The following GLCCI1 variants were observed in gnomAD, a reference collection of about 807,000 sequenced individuals.
GLCCI1 encodes the protein glucocorticoid induced 1.
Under a neutral mutation model 52.2 loss-of-function variants are expected in GLCCI1, and 24 were observed. The observed-to-expected ratio is 0.46, with a 90% CI of 0.33 to 0.65. The LOEUF is 0.65. Among genes scored for constraint, GLCCI1 ranks in the 30% least tolerant of loss-of-function variants. The probability of loss-of-function intolerance (pLI) is 0.02; values close to 1 mark genes in which losing one functional copy is unlikely to be tolerated. For synonymous variants in GLCCI1, 310 were observed against 276.5 expected (o/e 1.12, Z -1.20); for missense variants, 704 against 701.5 (o/e 1.00, Z -0.04).
intron 2 of GLCCI1, among the ~76,000 whole-genome samples, chr7:8,014,328 T>C (rs118166421): frequency 6.6e-6 from 1 of 152,232 alleles, no homozygotes; most frequent in Non-Finnish European, 1.5e-5. Flanking sequence ...CTAATGGTAA[T>C]GTATCTAGTT....
chr7:7,972,501 A>G (rs1469434995), intron 1 of GLCCI1, among the ~76,000 whole-genome samples: 1 of 152,258 alleles, frequency 6.6e-6, no homozygotes. Context: ...CTGAGCATTC[A>G]GTGTTTCATG....
intron 1 of GLCCI1, among the ~76,000 whole-genome samples, chr7:7,992,063 CTTTCTT>C (rs1459133898): frequency 7.0e-6 from 1 of 143,348 alleles, no homozygotes; most frequent in African/African-American, 2.7e-5. Flanking sequence ...TTCTTTCTTT[CTTTCTT>C]TCTTTCTTTC....
intron 6 of GLCCI1, among the ~76,000 whole-genome samples, chr7:8,079,748 A>AC (rs1346773771): frequency 6.6e-6 from 1 of 151,516 alleles, no homozygotes; most frequent in East Asian, 1.9e-4. Context: ...ACAAAATATA[A>AC]AATACCTCCT....
At chr7:8,013,249 C>A (rs186097585) in intron 2 of GLCCI1, among the ~76,000 whole-genome samples, 18 of 152,052 alleles carry the variant, frequency 1.2e-4, no homozygotes, top group Admixed American at 7.2e-4. Context: ...ATATTTGTGT[C>A]TTTGATATTT....
chr7:7,969,625 T>C lies in GLCCI1; in HGVS notation c.275T>C (p.Leu92Pro). The change falls in exon 1 of 8, where the codon CTG becomes CCG. Residue 92 changes from leucine (L) to proline (P), a missense_variant. This residue lies in a region of GLCCI1 where 547 missense variants were observed against 524.8 expected (regional missense o/e 1.04). Transcript: ENST00000223145. The surrounding 1 kb of genome is among the most constrained non-coding windows in gnomAD (Gnocchi z 4.9). ...CCCGTCGCCGCTGCCGCCGCCTCGCTGGGCAGCCTCCCGGGGCCCGGCGCG... is the reference window on the plus strand; with the variant it reads ...CCCGTCGCCGCTGCCGCCGCCTCGCCGGGCAGCCTCCCGGGGCCCGGCGCG... Reference protein sequence around the residue: ...RPPVAAAAASLGSLPGPGAAR... With the variant: ...RPPVAAAAASPGSLPGPGAAR... The C allele has an allele frequency of 9.8e-7, 1 of 1,021,344 alleles. No homozygotes were observed. The highest frequency in any genetic ancestry group is 3.8e-5 in the South Asian group (1 of 26,130). 63.3% of individuals were successfully genotyped at this position (1,021,344 alleles called of 1,614,324 possible).
intron 4 of GLCCI1, among the ~76,000 whole-genome samples, chr7:8,059,258 A>G (rs746633614): frequency 6.6e-6 from 1 of 152,206 alleles, no homozygotes; most frequent in Non-Finnish European, 1.5e-5. Context: ...AAGAGACAAA[A>G]GACACTGATG....
intron 2 of GLCCI1, among the ~76,000 whole-genome samples, chr7:8,022,209 C>T (rs977627333): frequency 1.3e-5 from 2 of 152,018 alleles, no homozygotes; most frequent in African/African-American, 4.8e-5. Context: ...TTACTATTCC[C>T]TTTGAATTTT....
chr7:8,085,009 G>A lies in GLCCI1; in HGVS notation c.1290G>A (p.Glu430=). 1 of 1,614,036 alleles carries A rather than the reference G, an allele frequency of 6.2e-7. No homozygotes were observed. The highest frequency in any genetic ancestry group is 8.5e-7 in the Non-Finnish European group (1 of 1,179,986). The change falls in exon 7 of 8, where the codon GAG becomes GAA. Residue 430 remains glutamate (E), a synonymous_variant. Transcript: ENST00000223145. ...GATGTGAGCGAGTGAAGGTCTTTGAGGAAATGGCGTAAGTAATGTCTTTTT... is the reference window on the plus strand; with the variant it reads ...GATGTGAGCGAGTGAAGGTCTTTGAAGAAATGGCGTAAGTAATGTCTTTTT... ...PEGCERVKVF[E]EMASRQPISA... is the part of the protein sequence containing the mutation.
rs1336052921 is a variant in GLCCI1 at position 7,990,487 on chromosome 7, A to G, written c.458-13421A>G. ...ATGACACTTTGCCCTACACTTGTTT[A>G]TGCTGCTGGTTGTTTTATTTCTTCA... On this transcript the variant is annotated intron_variant, in intron 1 of 7. Coordinates refer to ENST00000223145, the MANE Select transcript of GLCCI1 (RefSeq NM_138426.4). Among the ~76,000 whole-genome samples, 3 of 152,062 alleles carry G rather than the reference A, an allele frequency of 2.0e-5. No individual in the cohort carries two copies. The East Asian group carries it at 5.8e-4, about 29-fold the overall frequency.
chr7:7,992,105 G>GTT (rs780264617), intron 1 of GLCCI1, among the ~76,000 whole-genome samples: 2 of 99,604 alleles, frequency 2.0e-5, no homozygotes, highest in Admixed American at 2.0e-4. Flanking sequence ...CTTTCTGTCT[G>GTT]TTTCTCTCTC....
At chr7:8,080,846 T>G (rs1231625130) in intron 6 of GLCCI1, among the ~76,000 whole-genome samples, 1 of 150,708 alleles carries the variant, frequency 6.6e-6, no homozygotes, top group African/African-American at 2.4e-5. Context: ...TTGGGGTTTT[T>G]TTTTTTTTTT....
intron 1 of GLCCI1, among the ~76,000 whole-genome samples, chr7:7,983,108 C>A (rs917907881): frequency 1.3e-5 from 2 of 152,098 alleles, no homozygotes; most frequent in African/African-American, 4.8e-5. Flanking sequence ...TTGTAGTTAA[C>A]TTCTTGGTAA....
chr7:7,973,798 A>G (rs1165582519), intron 1 of GLCCI1, among the ~76,000 whole-genome samples: 2 of 152,206 alleles, frequency 1.3e-5, no homozygotes, highest in Admixed American at 6.5e-5. Context: ...TCCATGTAAT[A>G]TATGTTTGCC....
chr7:8,019,690 C>T (rs969216239), intron 2 of GLCCI1, among the ~76,000 whole-genome samples: 2 of 152,098 alleles, frequency 1.3e-5, no homozygotes, highest in African/African-American at 2.4e-5. Flanking sequence ...TGGCATAGCC[C>T]GTTGCTCTTA....
chr7:8,075,283 A>G (rs570711644), intron 6 of GLCCI1, among the ~76,000 whole-genome samples: 1 of 152,010 alleles, frequency 6.6e-6, no homozygotes, highest in Non-Finnish European at 1.5e-5. Flanking sequence ...TTGATTTTTT[A>G]CTAGATTTTT....
At chr7:7,995,714 A>G (rs764198910) in intron 1 of GLCCI1, among the ~76,000 whole-genome samples, 4 of 152,150 alleles carry the variant, frequency 2.6e-5, no homozygotes, top group Non-Finnish European at 4.4e-5. Context: ...GAACACCTGG[A>G]CACAGGAAGG....
At chr7:8,021,864 G>A (rs1419796202) in intron 2 of GLCCI1, among the ~76,000 whole-genome samples, 1 of 152,092 alleles carries the variant, frequency 6.6e-6, no homozygotes, top group Non-Finnish European at 1.5e-5. Context: ...CTGACATATG[G>A]TTCAGGTTTT....
chr7:8,041,843 C>G (rs189135678), intron 3 of GLCCI1, among the ~76,000 whole-genome samples: 3 of 152,270 alleles, frequency 2.0e-5, no homozygotes, highest in Non-Finnish European at 4.4e-5. Flanking sequence ...CCTCCCGCCT[C>G]AGCCTCCCAA....
intron 1 of GLCCI1, chr7:7,980,737 A>T: frequency 1.4e-6 from 1 of 694,998 alleles, no homozygotes; most frequent in Admixed American, 2.1e-5. Flanking sequence ...TACAGGAGAA[A>T]ATCTAGATTA....
Sources: allele counts gnomAD v4.1 joint callset (sites outside exome capture counted in the v4.1 genomes callset), GRCh38; gene constraint gnomAD v4.1.1; regional missense constraint gnomAD v4.1.1; non-coding constraint Gnocchi (gnomAD v3.1); transcripts MANE v1.5; gene names NCBI Gene and HGNC (gene_info 2026-07-23, HGNC 2026-07-21).